The following ARHGAP24 variants were observed in gnomAD, a reference collection of about 807,000 sequenced individuals.
The protein encoded by ARHGAP24 is Rho GTPase activating protein 24, also known as rho GTPase-activating protein 24.
A neutral mutation model predicts 76.4 loss-of-function variants in ARHGAP24; 50 were observed. That is an observed-to-expected ratio of 0.65 (90% confidence interval 0.52 to 0.83). The LOEUF is 0.83. Among genes scored for constraint, ARHGAP24 ranks in the 40% least tolerant of loss-of-function variants. The probability of loss-of-function intolerance (pLI) is 0.00; values close to 1 mark genes in which losing one functional copy is unlikely to be tolerated. For synonymous variants in ARHGAP24, 345 were observed against 323.3 expected, an observed-to-expected ratio of 1.07 and a Z score of -0.72; for missense variants, 930 against 914.2, an observed-to-expected ratio of 1.02 and a Z score of -0.22.
At chr4:85,611,394 G>A (rs371220725) in intron 2 of ARHGAP24, among the ~76,000 whole-genome samples, 4 of 152,298 alleles carry the variant, frequency 2.6e-5, no homozygotes, top group African/African-American at 9.6e-5. Flanking sequence ...ATAAATGACA[G>A]TCACTGCATA....
At chr4:85,815,835 A>T (rs187614091) in intron 3 of ARHGAP24, among the ~76,000 whole-genome samples, 32 of 152,328 alleles carry the variant, frequency 2.1e-4, no homozygotes, top group Non-Finnish European at 3.7e-4. Context: ...GCTGATAAAG[A>T]CATACCCGAG....
chr4:85,921,307 C>T (rs960163146), intron 3 of ARHGAP24, among the ~76,000 whole-genome samples: 1 of 152,108 alleles, frequency 6.6e-6, no homozygotes, highest in Admixed American at 6.5e-5. Flanking sequence ...TGCATGATCT[C>T]ACTTATAAGT....
intron 3 of ARHGAP24, among the ~76,000 whole-genome samples, chr4:85,809,731 T>C (rs1728932948): frequency 6.6e-6 from 1 of 152,162 alleles, no homozygotes; most frequent in Non-Finnish European, 1.5e-5. Context: ...AGAGGAGCAA[T>C]GCATGGTGAA....
intron 3 of ARHGAP24, among the ~76,000 whole-genome samples, chr4:85,784,973 A>G (rs34057092): frequency 0.36 from 54,390 of 151,278 alleles, 11,137 homozygotes; most frequent in East Asian, 0.71. Context: ...CTATCTCTCT[A>G]TCTGCTTTCC....
chr4:85,617,579 AT>A (rs1560554652), intron 2 of ARHGAP24, among the ~76,000 whole-genome samples: 1 of 152,138 alleles, frequency 6.6e-6, no homozygotes, highest in Non-Finnish European at 1.5e-5. Flanking sequence ...AATTTAGCCT[AT>A]ATTCATGGGC....
intron 1 of ARHGAP24, among the ~76,000 whole-genome samples, chr4:85,539,080 C>A (rs1245942117): frequency 6.6e-6 from 1 of 152,076 alleles, no homozygotes; most frequent in Non-Finnish European, 1.5e-5. Context: ...TTTTTTTACA[C>A]AATGAGAAAG....
chr4:85,682,775 T>C (rs941132551), intron 2 of ARHGAP24, among the ~76,000 whole-genome samples: 1 of 152,174 alleles, frequency 6.6e-6, no homozygotes, highest in Non-Finnish European at 1.5e-5. Flanking sequence ...ACTGCATTGA[T>C]TAGCTTAAGA....
In ARHGAP24 at chr4:85,882,144, T is replaced by A. The variant is rs185937530; in HGVS notation, c.269-41504T>A. On this transcript the variant is annotated intron_variant, in intron 3 of 9. Coordinates refer to ENST00000395184, the MANE Select transcript of ARHGAP24 (RefSeq NM_001025616.3). ...TAGATTGTCTTTCCAACTCTATGGT[T>A]GGGTTAAAATAAAGAAGCCATAGGC... Among the ~76,000 whole-genome samples the A allele has an allele frequency of 1.0e-3, 142 of 137,578 alleles. 1 individual carries two copies. Among genetic ancestry groups the A allele is most frequent in the Admixed American group, 8.0e-3 (103 of 12,912 alleles). 90.3% of individuals were successfully genotyped at this position (137,578 alleles called of 152,430 possible). A position where few individuals can be genotyped will look rare whatever the true frequency, so the allele number is the denominator to read the frequency against.
intron 2 of ARHGAP24, among the ~76,000 whole-genome samples, chr4:85,622,970 T>G (rs1258705127): frequency 6.6e-6 from 1 of 152,058 alleles, no homozygotes; most frequent in Non-Finnish European, 1.5e-5. Context: ...TAAATTTGTT[T>G]GAGTTCATTG....
At chr4:85,521,253 A>G (rs1560518218) in intron 1 of ARHGAP24, among the ~76,000 whole-genome samples, 1 of 152,076 alleles carries the variant, frequency 6.6e-6, no homozygotes, top group Non-Finnish European at 1.5e-5. Flanking sequence ...TTCTGGGCGG[A>G]TGCACTGCTC....
At chr4:85,994,207 A>C (rs1740506891) in intron 8 of ARHGAP24, among the ~76,000 whole-genome samples, 1 of 152,190 alleles carries the variant, frequency 6.6e-6, no homozygotes. Context: ...TCAAATTTTT[A>C]ATAAACATTG....
At chr4:85,549,180 A>C (rs1726030904) in intron 1 of ARHGAP24, among the ~76,000 whole-genome samples, 1 of 111,674 alleles carries the variant, frequency 9.0e-6, no homozygotes, top group South Asian at 2.8e-4. Context: ...TCTGAATTGG[A>C]ATCACTAAGT....
At chr4:85,790,296 A>G (rs1224934387) in intron 3 of ARHGAP24, among the ~76,000 whole-genome samples, 1 of 152,068 alleles carries the variant, frequency 6.6e-6, no homozygotes, top group Admixed American at 6.6e-5. Context: ...TCTTTTTCAC[A>G]CCATATCTTG....
chr4:85,886,330 A>C (rs1733567193), intron 3 of ARHGAP24, among the ~76,000 whole-genome samples: 1 of 152,184 alleles, frequency 6.6e-6, no homozygotes. Flanking sequence ...ATTTAAGTGC[A>C]ACAGTAAGCT....
chr4:85,567,601 C>T (rs772714461), intron 1 of ARHGAP24, among the ~76,000 whole-genome samples: 6 of 152,146 alleles, frequency 3.9e-5, no homozygotes, highest in Non-Finnish European at 8.8e-5. Context: ...TTGATTACTT[C>T]ATCAAACATT....
chr4:85,725,471 T>C (rs547889066), intron 3 of ARHGAP24, among the ~76,000 whole-genome samples: 1 of 152,218 alleles, frequency 6.6e-6, no homozygotes, highest in Non-Finnish European at 1.5e-5. Flanking sequence ...AGAAACTCCT[T>C]ACATGTTTCC....
chr4:85,590,216 T>G (rs1016316444), intron 2 of ARHGAP24, among the ~76,000 whole-genome samples: 60 of 149,430 alleles, frequency 4.0e-4, no homozygotes, highest in East Asian at 3.4e-3. Context: ...CTTCCTTCCT[T>G]CCTTCCTTCC....
At chr4:85,713,184 G>C (rs1022035768) in intron 2 of ARHGAP24, among the ~76,000 whole-genome samples, 6 of 152,052 alleles carry the variant, frequency 3.9e-5, no homozygotes, top group African/African-American at 1.4e-4. Flanking sequence ...TGGAGTCCCT[G>C]GAGTCCCAGC....
At chr4:85,945,780 T>A (rs1737230674) in intron 5 of ARHGAP24, among the ~76,000 whole-genome samples, 2 of 148,750 alleles carry the variant, frequency 1.3e-5, no homozygotes, top group Non-Finnish European at 3.0e-5. Flanking sequence ...AAAAAAAAAA[T>A]TATACATGAA....
Sources: allele counts gnomAD v4.1 joint callset (sites outside exome capture counted in the v4.1 genomes callset), GRCh38; gene constraint gnomAD v4.1.1; transcripts MANE v1.5; gene names NCBI Gene and HGNC (gene_info 2026-07-23, HGNC 2026-07-21).